The following SLC39A4 variants were observed in gnomAD, a reference collection of about 807,000 sequenced individuals.
SLC39A4 encodes the protein zinc transporter ZIP4.
A neutral mutation model predicts 56.6 loss-of-function variants in SLC39A4; 49 were observed. That is an observed-to-expected ratio of 0.87 (90% CI 0.69 to 1.10). The LOEUF (loss-of-function observed/expected upper bound fraction) is 1.10, where lower values mean the gene tolerates loss of function less well. Ranked by LOEUF, SLC39A4 falls within the 50% of genes least tolerant of loss-of-function variation. The pLI is 0.00. For synonymous variants in SLC39A4, 540 were observed against 420.4 expected (o/e 1.28, Z -3.48); for missense variants, 993 against 864.2 (o/e 1.15, Z -1.87).
rs782294373 is a variant in SLC39A4 at position 144,414,105 on chromosome 8, A to G, written c.1150-10T>C. ...TATGCAGCCCCAGCACCTGGGGAGT[A>G]GGGGCGCTGGGCTGGGGGGGAGGTC... On this transcript the variant is annotated splice_polypyrimidine_tract_variant and intron_variant, in intron 6 of 11. Transcript: ENST00000301305. The G allele has an allele frequency of 6.4e-7, 1 of 1,555,132 alleles. No homozygotes were observed. Among genetic ancestry groups the G allele is most frequent in the Non-Finnish European group, 8.7e-7 (1 of 1,149,924 alleles).
At position 144,412,829 on chromosome 8, in the gene SLC39A4, C is replaced by G. The variant is rs375831741; in HGVS notation, c.1745G>C (p.Ser582Thr). The change falls in exon 11 of 12, where the codon AGC becomes ACC. Residue 582 changes from serine (S) to threonine (T), a missense_variant. Transcript: ENST00000301305. ...CAGGATCCAGGCCTCGCTCTCCTCG[C>G]TGACTCCAACCGCGAGTGCCACGTA... ...GLYVALAVGV[S>T]EESEAWILAV... 3.1e-6 allele frequency: 5 copies of G among 1,612,890 alleles called. No homozygotes were observed. The African/African-American group carries it at 6.7e-5, about 22-fold the overall frequency.
At position 144,416,580 on chromosome 8, in the gene SLC39A4, G is replaced by A. The variant is rs1023260022; in HGVS notation, c.192+18C>T. On this transcript the variant is annotated intron_variant, in intron 1 of 11. Transcript: ENST00000301305. Reference sequence around the variant, plus strand: ...GGAAGAGGCCAGGGCTGGGGGACCCGTCGGGTGGGGCTGTTACCTTTCCAC... The same window carrying A: ...GGAAGAGGCCAGGGCTGGGGGACCCATCGGGTGGGGCTGTTACCTTTCCAC... The A allele has an allele frequency of 3.2e-6, 5 of 1,561,798 alleles. No individual in the cohort carries two copies. Among genetic ancestry groups the A allele is most frequent in the East Asian group, 4.7e-5 (2 of 42,426 alleles).
At chr8:144,414,585 C>T (rs191469526) in intron 5 of SLC39A4, 140 bp downstream of exon 5, 54 of 1,489,882 alleles carry the variant, frequency 3.6e-5, no homozygotes, top group African/African-American at 1.9e-4. Context: ...CTCCTGGCGA[C>T]GCCACCTTCC....
intron 8 of SLC39A4, 71 bp downstream of exon 8, chr8:144,413,679 G>A (rs745730107): frequency 3.2e-6 from 5 of 1,538,814 alleles, no homozygotes; most frequent in Non-Finnish European, 4.4e-6. Flanking sequence ...GGGTGGGGCT[G>A]GGAGTGTGGG....
At chr8:144,416,288 G>A (rs1226512816) in intron 1 of SLC39A4, 197 bp from the exon 2 acceptor site, 2 of 1,531,302 alleles carry the variant, frequency 1.3e-6, no homozygotes, top group Non-Finnish European at 1.7e-6. Flanking sequence ...ACGCAGAGGG[G>A]TCCCCAACAG....
At position 144,414,065 on chromosome 8, in the gene SLC39A4, C is replaced by T. The variant is rs113538849; in HGVS notation, c.1180G>A (p.Gly394Ser). 2.6e-6 allele frequency: 4 copies of T among 1,565,050 alleles called. No homozygotes were observed. The highest frequency in any genetic ancestry group is 8.7e-7 in the Non-Finnish European group (1 of 1,155,038). Residue 394 changes from glycine (G) to serine (S), a missense_variant, in exon 7 of 12, where the codon GGC becomes AGC. By Grantham distance (56) the Gly-to-Ser change is moderately conservative (BLOSUM62 0). Coordinates refer to ENST00000301305, the MANE Select transcript of SLC39A4 (RefSeq NM_130849.4). Reference sequence around the variant, plus strand: ...CGCCAGGTGGGCTGTGGGCTGAGGCCCTCTTCGCTGTGTGTATGCAGCCCC... The same window carrying T: ...CGCCAGGTGGGCTGTGGGCTGAGGCTCTCTTCGCTGTGTGTATGCAGCCCC... The part of the protein sequence containing the change: ...VLGLHTHSEE[G>S]LSPQPTWRLL...
chr8:144,414,935 C>T (rs1554873309), intron 4 of SLC39A4, 39 bp from the exon 5 acceptor site: 34 of 1,613,046 alleles, frequency 2.1e-5, no homozygotes, highest in Non-Finnish European at 2.9e-5. Flanking sequence ...CCCAAGCAGA[C>T]CCCGGTGAGG....
intron 8 of SLC39A4, 33 bp downstream of exon 8, chr8:144,413,717 C>T: frequency 6.5e-7 from 1 of 1,535,150 alleles, no homozygotes; most frequent in Non-Finnish European, 8.7e-7. Flanking sequence ...GGGAGGGGCT[C>T]CGCGTGGGAT....
rs1554873558 is a variant in SLC39A4 at position 144,415,308 on chromosome 8, A to G, written c.586T>C (p.Phe196Leu). The G allele has an allele frequency of 6.2e-7, 1 of 1,613,076 alleles. No individual in the cohort carries two copies. Among genetic ancestry groups the G allele is most frequent in the Non-Finnish European group, 8.5e-7 (1 of 1,179,824 alleles). Residue 196 changes from phenylalanine to leucine, a missense_variant, in exon 3 of 12, where the codon TTC (phenylalanine) becomes CTC (leucine). Phe to Leu is a conservative substitution (Grantham distance 22). Transcript: ENST00000301305. ...TACTGAGGGCTCGGCAAGGCGTGGA[A>G]GCAAGACCCGCTCCTGACATGGTCC... ...LLDHVRSGSC[F>L]HALPSPQYFV...
Position 144,413,524 on chromosome 8 carries a change from C to G in SLC39A4, c.1463G>C (p.Arg488Thr), listed in dbSNP as rs1197881218. 6.4e-7 allele frequency: 1 copy of G among 1,556,742 alleles called. No individual in the cohort carries two copies. The highest frequency in any genetic ancestry group is 2.4e-5 in the East Asian group (1 of 41,442). ...SPELLNPEPR[R>T]LSPELRLLPY... The stretch of plus-strand genomic sequence containing the variant: ...CCCCCTGGGCTCACCTGGGCTCAGT[C>G]TCCTGGGCTCAGGGTTCAGCAGCTC... Residue 488 changes from arginine to threonine, a missense_variant, in exon 9 of 12, where the codon AGA (arginine) becomes ACA (threonine). Coordinates refer to ENST00000301305, the MANE Select transcript of SLC39A4 (RefSeq NM_130849.4).
In SLC39A4 at chr8:144,413,770, C is replaced by G. The variant is rs1219867609; in HGVS notation, c.1399G>C (p.Glu467Gln). Residue 467 changes from glutamate to glutamine, a missense_variant, in exon 8 of 12, where the codon GAG (glutamate) becomes CAG (glutamine). By Grantham distance (29) the Glu-to-Gln change is conservative (BLOSUM62 2). Transcript: ENST00000301305. ...SELRQPKPPH[E>Q]GSRADLVAEE... is the part of the protein sequence containing the mutation. ...CTCACCAGGTCTGCGCGGGAGCCCTCGTGGGGGGGCTTGGGCTGCCGGAGC... is the reference window on the plus strand; with the variant it reads ...CTCACCAGGTCTGCGCGGGAGCCCTGGTGGGGGGGCTTGGGCTGCCGGAGC... 5 of 1,542,048 alleles carry G rather than the reference C, an allele frequency of 3.2e-6. No individual in the cohort carries two copies. Among genetic ancestry groups the G allele is most frequent in the Non-Finnish European group, 3.5e-6 (4 of 1,149,594 alleles).
At chr8:144,415,202 C>T in intron 3 of SLC39A4, 25 bp downstream of exon 3, 1 of 1,612,730 alleles carries the variant, frequency 6.2e-7, no homozygotes, top group South Asian at 1.1e-5. Context: ...GGGTGCCCCC[C>T]TCCACAGCCC....
In SLC39A4 at chr8:144,414,318, G is replaced by A. The variant is rs1554872977; in HGVS notation, c.1093C>T (p.Leu365=). The stretch of plus-strand genomic sequence containing the variant: ...GTGACTGCACCCACTGCCAGGCTCA[G>A]GAAGGTCTGCAGGATGTAGTGGGTG... ...GVTHYILQTF[L]SLAVGAVTGD... Residue 365 remains leucine (L), a synonymous_variant, in exon 6 of 12, where the codon CTG becomes TTG. Coordinates refer to ENST00000301305, the MANE Select transcript of SLC39A4 (RefSeq NM_130849.4). 2 of 1,604,460 alleles carry A rather than the reference G, an allele frequency of 1.2e-6. No homozygotes were observed. Among genetic ancestry groups the A allele is most frequent in the South Asian group, 2.3e-5 (2 of 88,836 alleles).
chr8:144,413,655 G>C, intron 8 of SLC39A4, 88 bp from the exon 9 acceptor site: 2 of 1,544,304 alleles, frequency 1.3e-6, no homozygotes, highest in Non-Finnish European at 8.7e-7. Context: ...GCGGGAGGCG[G>C]AGCCGCAGGC....
In SLC39A4 at chr8:144,413,370, A is replaced by G. The variant is rs782566193; in HGVS notation, c.1494T>C (p.Tyr498=). 8.7e-6 allele frequency: 14 copies of G among 1,608,862 alleles called. No individual in the cohort carries two copies. In the South Asian group the frequency reaches 1.1e-4, roughly 13 times the overall value. ...RLSPELRLLP[Y]MITLGDAVHN... is the part of the protein sequence containing the mutation. ...GCACGGCGTCGCCCAGAGTGATCAT[A>G]TAGGGCAGTAGCCTCAACTCTGCGG... Residue 498 remains tyrosine, a synonymous_variant, in exon 10 of 12, where the codon TAT becomes TAC. Coordinates refer to ENST00000301305, the MANE Select transcript of SLC39A4 (RefSeq NM_130849.4).
chr8:144,415,433 G>C lies in SLC39A4; in HGVS notation c.475-14C>G, dbSNP rs1822136229. 6.3e-7 allele frequency: 1 copy of C among 1,587,630 alleles called. No individual in the cohort carries two copies. The highest frequency in any genetic ancestry group is 8.6e-7 in the Non-Finnish European group (1 of 1,167,742). On this transcript the variant is annotated splice_polypyrimidine_tract_variant and intron_variant, in intron 2 of 11. Transcript: ENST00000301305. ...ATCTACGCAGGCCTGGGGAAGAGGG[G>C]GCCTCCGCCTCAGCCTTTGGTGTGA... is the stretch of plus-strand genomic sequence containing the variant.
At chr8:144,416,285 G>A (rs1822194670) in intron 1 of SLC39A4, 194 bp from the exon 2 acceptor site, 3 of 1,538,194 alleles carry the variant, frequency 2.0e-6, no homozygotes, top group Admixed American at 2.0e-5. Flanking sequence ...TGCACGCAGA[G>A]GGGTCCCCAA....
chr8:144,414,118 T>TG (rs781962390), intron 6 of SLC39A4, 23 bp from the exon 7 acceptor site: 17 of 1,553,810 alleles, frequency 1.1e-5, no homozygotes, highest in South Asian at 3.5e-5. Context: ...GGCGCTGGGC[T>TG]GGGGGGGAGG....
In SLC39A4 at chr8:144,412,888, G is replaced by C; in HGVS notation, c.1686C>G (p.Asn562Lys). 6.2e-7 allele frequency: 1 copy of C among 1,610,680 alleles called. No homozygotes were observed. Among genetic ancestry groups the C allele is most frequent in the Non-Finnish European group, 8.5e-7 (1 of 1,179,784 alleles). The change falls in exon 11 of 12, where the codon AAC (asparagine) becomes AAG (lysine). Residue 562 changes from asparagine (N) to lysine (K), a missense_variant. Coordinates refer to ENST00000301305, the MANE Select transcript of SLC39A4 (RefSeq NM_130849.4). ...GLSVRQALLL[N>K]LASALTAFAG... The stretch of plus-strand genomic sequence containing the variant: ...CGAAGGCCGTGAGCGCGGAGGCCAG[G>C]TTCAGCAGCAGTGCTTGGCGCACGG...
Sources: allele counts gnomAD v4.1 joint callset, GRCh38; gene constraint gnomAD v4.1.1; transcripts MANE v1.5; gene names NCBI Gene and HGNC (gene_info 2026-07-23, HGNC 2026-07-21).